RAP1GAP2: variants seen among roughly 807,000 people sequenced by gnomAD.
RAP1GAP2 encodes rap1 GTPase-activating protein 2.
A neutral mutation model predicts 95.0 loss-of-function variants in RAP1GAP2; 27 were observed. The ratio of observed to expected loss-of-function variants is 0.28; its 90% CI spans 0.21 to 0.39. The LOEUF is 0.39. Ranked by LOEUF, RAP1GAP2 falls within the 10% of genes least tolerant of loss-of-function variation. RAP1GAP2 has a pLI of 1.00. For synonymous variants in RAP1GAP2, 373 were observed against 380.9 expected (o/e 0.98, Z 0.24); for missense variants, 771 against 970.0 (o/e 0.79, Z 2.72).
chr17:2,882,893 G>A (rs1473506320), intron 2 of RAP1GAP2, among the ~76,000 whole-genome samples: 1 of 152,222 alleles, frequency 6.6e-6, no homozygotes, highest in Non-Finnish European at 1.5e-5. Context: ...CGCTATGCTG[G>A]CACACCGTCG....
chr17:2,863,563 C>T (rs1261857339), intron 2 of RAP1GAP2, among the ~76,000 whole-genome samples: 3 of 152,222 alleles, frequency 2.0e-5, no homozygotes, highest in African/African-American at 7.2e-5. Context: ...CTTTCTCCCT[C>T]TTCTGCCTTT....
chr17:2,963,344 A>G lies in RAP1GAP2; in HGVS notation c.247-86A>G. ...CTCCCTCAAAGCCCCCCCACAACATATCCCCCTTGCAAGACCTGGAAACAG... is the reference window on the plus strand; with the variant it reads ...CTCCCTCAAAGCCCCCCCACAACATGTCCCCCTTGCAAGACCTGGAAACAG... On this transcript the variant is annotated intron_variant, in intron 5 of 24. Coordinates refer to ENST00000254695, the MANE Select transcript of RAP1GAP2 (RefSeq NM_015085.5). The surrounding 1 kb of genome is among the most constrained non-coding windows in gnomAD (Gnocchi z 4.8). The G allele has an allele frequency of 6.0e-6, 6 of 1,004,548 alleles. No homozygotes were observed. The highest frequency in any genetic ancestry group is 9.0e-6 in the Non-Finnish European group (6 of 664,244). 62.2% of individuals were successfully genotyped at this position (1,004,548 alleles called of 1,614,324 possible). A position where few individuals can be genotyped will look rare whatever the true frequency, so the allele number is the denominator to read the frequency against.
At chr17:3,026,574 G>T in intron 21 of RAP1GAP2, 110 bp downstream of exon 21, 1 of 968,910 alleles carries the variant, frequency 1.0e-6, no homozygotes, top group Non-Finnish European at 1.5e-6. Flanking sequence ...CTTTGCAGAG[G>T]AAAGGGGAAG....
chr17:2,826,119 T>G (rs928536609), intron 2 of RAP1GAP2, among the ~76,000 whole-genome samples: 1 of 150,270 alleles, frequency 6.7e-6, no homozygotes, highest in Non-Finnish European at 1.5e-5. Context: ...TAGCTGGGAT[T>G]ACAGGCACCC....
At chr17:2,913,606 G>A (rs1162470393) in intron 3 of RAP1GAP2, among the ~76,000 whole-genome samples, 1 of 152,046 alleles carries the variant, frequency 6.6e-6, no homozygotes. Context: ...CATGTTTTAA[G>A]GCCAACTTGC....
intron 8 of RAP1GAP2, among the ~76,000 whole-genome samples, chr17:2,973,741 G>A (rs879481336): frequency 8.5e-5 from 13 of 152,156 alleles, no homozygotes; most frequent in African/African-American, 2.2e-4. Flanking sequence ...TCATAAAGAC[G>A]TTCCGGAAGG....
At chr17:2,989,711 G>C (rs1382202368) in intron 11 of RAP1GAP2, among the ~76,000 whole-genome samples, 1 of 151,636 alleles carries the variant, frequency 6.6e-6, no homozygotes, top group African/African-American at 2.4e-5. Context: ...AAAAATAACA[G>C]CTTTATTGAG....
chr17:2,832,506 C>CGAG (rs1239498516), intron 2 of RAP1GAP2, among the ~76,000 whole-genome samples: 1 of 142,416 alleles, frequency 7.0e-6, no homozygotes, highest in Non-Finnish European at 1.5e-5. Flanking sequence ...TGCAGTGAGC[C>CGAG]GAGATCGCGC....
At chr17:2,851,563 A>G (rs1449420104) in intron 2 of RAP1GAP2, among the ~76,000 whole-genome samples, 1 of 151,848 alleles carries the variant, frequency 6.6e-6, no homozygotes, top group Non-Finnish European at 1.5e-5. Context: ...GGAAAATTCT[A>G]CCTCTTAGAG....
chr17:2,948,336 G>A (rs2043784981), intron 3 of RAP1GAP2, among the ~76,000 whole-genome samples: 1 of 152,246 alleles, frequency 6.6e-6, no homozygotes, highest in Non-Finnish European at 1.5e-5. Flanking sequence ...AGCTCAGCAA[G>A]GACCCAGCAT....
At chr17:2,838,039 GAC>G (rs1482206583) in intron 2 of RAP1GAP2, among the ~76,000 whole-genome samples, 2 of 37,234 alleles carry the variant, frequency 5.4e-5, no homozygotes, top group South Asian at 7.7e-4. Context: ...TTTTTTTTGA[GAC>G]AGAGTCTCGC....
rs1045708692 is a variant in RAP1GAP2, at chr17:2,857,295, C to T, written c.81-47989C>T. 5.9e-5 allele frequency among the ~76,000 whole-genome samples: 9 copies of T among 152,140 alleles called. No homozygotes were observed. Among genetic ancestry groups the T allele is most frequent in the Admixed American group, 4.6e-4 (7 of 15,272 alleles). On this transcript the variant is annotated intron_variant, in intron 2 of 24. Coordinates refer to ENST00000254695, the MANE Select transcript of RAP1GAP2 (RefSeq NM_015085.5). This position sits in a 1 kb window ranked among gnomAD's most constrained non-coding sequence, Gnocchi z 4.0. Reference sequence around the variant, plus strand: ...GGGACCACCCAGTGGTCTTTTTCATCCTCCTGCTCTCTCCAGGCCACTTGG... The same window carrying T: ...GGGACCACCCAGTGGTCTTTTTCATTCTCCTGCTCTCTCCAGGCCACTTGG...
At chr17:2,838,265 G>A (rs901432464) in intron 2 of RAP1GAP2, among the ~76,000 whole-genome samples, 29 of 151,966 alleles carry the variant, frequency 1.9e-4, no homozygotes, top group African/African-American at 6.3e-4. Context: ...TGATCCGCCC[G>A]CCTCGGCCTC....
In RAP1GAP2 at chr17:3,008,316, G is replaced by C. The variant is rs140681929; in HGVS notation, c.1494+171G>C. Among the ~76,000 whole-genome samples the C allele has an allele frequency of 6.3e-3, 959 of 152,330 alleles. 12 individuals carry two copies. The highest frequency in any genetic ancestry group is 0.021 in the African/African-American group (889 of 41,546). ...GCAAAGGGCAGGGCCGTTAGGAAGT[G>C]TGTGAGGCTGGAGCAGCCAGCAGTT... On this transcript the variant is annotated intron_variant, in intron 17 of 24. Coordinates refer to ENST00000254695, the MANE Select transcript of RAP1GAP2 (RefSeq NM_015085.5). The surrounding 1 kb of genome is among the most constrained non-coding windows in gnomAD (Gnocchi z 4.2).
At chr17:2,901,719 G>A (rs560556064) in intron 2 of RAP1GAP2, among the ~76,000 whole-genome samples, 8 of 152,208 alleles carry the variant, frequency 5.3e-5, no homozygotes, top group South Asian at 2.1e-4. Context: ...ATCAAGCACC[G>A]CGTCACTTAA....
intron 3 of RAP1GAP2, among the ~76,000 whole-genome samples, chr17:2,943,041 T>G (rs753225458): frequency 6.6e-6 from 1 of 152,112 alleles, no homozygotes; most frequent in Non-Finnish European, 1.5e-5. Context: ...AGTGCTGGGA[T>G]TACAGGTGTG....
At chr17:2,885,182 G>A (rs1597509028) in intron 2 of RAP1GAP2, among the ~76,000 whole-genome samples, 1 of 151,904 alleles carries the variant, frequency 6.6e-6, no homozygotes, top group Non-Finnish European at 1.5e-5. Context: ...ACAGGCACCC[G>A]CCACCACGCC....
chr17:2,965,314 T>C lies in RAP1GAP2; in HGVS notation c.493-226T>C. 1.8e-6 allele frequency: 1 copy of C among 557,620 alleles called. No homozygotes were observed. Among genetic ancestry groups the C allele is most frequent in the Non-Finnish European group, 3.2e-6 (1 of 310,786 alleles). The allele number at this position is 557,620 out of a possible 1,614,324, so 34.5% of individuals were successfully genotyped here. ...TGATGTTCTCTCCCGGATACAGCTG[T>C]GGTCAGGACTGAAGGAGATAGTGGG... On this transcript the variant is annotated intron_variant, in intron 7 of 24. Coordinates refer to ENST00000254695, the MANE Select transcript of RAP1GAP2 (RefSeq NM_015085.5). This position sits in a 1 kb window ranked among gnomAD's most constrained non-coding sequence, Gnocchi z 4.7.
At chr17:2,990,047 C>T (rs1308878417) in intron 11 of RAP1GAP2, among the ~76,000 whole-genome samples, 1 of 152,078 alleles carries the variant, frequency 6.6e-6, no homozygotes, top group Non-Finnish European at 1.5e-5. Context: ...AGTGTTTATC[C>T]AGGTCGTAGT....
Sources: allele counts gnomAD v4.1 joint callset (sites outside exome capture counted in the v4.1 genomes callset), GRCh38; gene constraint gnomAD v4.1.1; non-coding constraint Gnocchi (gnomAD v3.1); transcripts MANE v1.5; gene names NCBI Gene and HGNC (gene_info 2026-07-23, HGNC 2026-07-21).